RAPGEF6: variants seen among roughly 807,000 people sequenced by gnomAD.
The protein encoded by RAPGEF6 is PDZ domain containing guanine nucleotide exchange factor (GEF) 2.
Under a neutral mutation model 171.4 loss-of-function variants are expected in RAPGEF6, and 56 were observed. The ratio of observed to expected loss-of-function variants is 0.33; its 90% confidence interval spans 0.26 to 0.41. RAPGEF6 has a LOEUF of 0.41. Ranked by LOEUF, RAPGEF6 falls within the 10% of genes least tolerant of loss-of-function variation. RAPGEF6 has a pLI of 1.00. For synonymous variants in RAPGEF6, 692 were observed against 650.1 expected (o/e 1.06, Z -0.98); for missense variants, 1,674 against 1,921.4 (o/e 0.87, Z 2.41).
intron 4 of RAPGEF6, among the ~76,000 whole-genome samples, chr5:131,587,805 C>G (rs1335304182): frequency 1.3e-5 from 2 of 152,244 alleles, no homozygotes; most frequent in Admixed American, 1.3e-4. Context: ...AAATGTTACT[C>G]TCCTTTCTCC....
chr5:131,613,301 T>C (rs1408517588), intron 1 of RAPGEF6, among the ~76,000 whole-genome samples: 1 of 152,124 alleles, frequency 6.6e-6, no homozygotes, highest in Non-Finnish European at 1.5e-5. Flanking sequence ...TCCCAGCTTC[T>C]TGGGAGGCTG....
In RAPGEF6 at chr5:131,508,220, A is replaced by G. The variant is rs755345114; in HGVS notation, c.806-13T>C. 3 of 1,599,742 alleles carry G rather than the reference A, an allele frequency of 1.9e-6. No homozygotes were observed. The highest frequency in any genetic ancestry group is 2.6e-6 in the Non-Finnish European group (3 of 1,174,294). ...TCCAGCAATTGTTCTATAAGAAAACAGAAATTCTGGTATAAAGACCATCGA... is the reference window on the plus strand; with the variant it reads ...TCCAGCAATTGTTCTATAAGAAAACGGAAATTCTGGTATAAAGACCATCGA... On this transcript the variant is annotated splice_polypyrimidine_tract_variant and intron_variant, in intron 8 of 27. Transcript: ENST00000509018.
At chr5:131,476,225 C>T (rs1247011303) in intron 16 of RAPGEF6, among the ~76,000 whole-genome samples, 1 of 152,084 alleles carries the variant, frequency 6.6e-6, no homozygotes, top group Non-Finnish European at 1.5e-5. Context: ...CTTGGAGCAT[C>T]TATATATAAA....
chr5:131,510,395 G>A lies in RAPGEF6; in HGVS notation c.724C>T (p.Arg242Ter). ...TCTCGCCCCTGCAATGGATCTGTTC[G>A]ATCAATCTCTTCATCTTCCTCTTCG... ...DDEEEDEEIDRTDPLQGRDLV... is the reference protein window; with the variant it reads ...DDEEEDEEID Residue 242 changes from arginine to a stop codon, truncating the protein, a stop_gained, in exon 8 of 28, where the codon CGA becomes TGA. Transcript: ENST00000509018. LOFTEE classifies it high-confidence loss of function. 2.5e-6 allele frequency: 4 copies of A among 1,614,046 alleles called. No individual in the cohort carries two copies. The highest frequency in any genetic ancestry group is 3.4e-6 in the Non-Finnish European group (4 of 1,180,002).
chr5:131,493,133 C>T (rs945736697), intron 13 of RAPGEF6, among the ~76,000 whole-genome samples: 15 of 152,188 alleles, frequency 9.9e-5, no homozygotes, highest in African/African-American at 3.6e-4. Flanking sequence ...GGCGCGATCT[C>T]GACTCACTGC....
At position 131,634,973 on chromosome 5, in the gene RAPGEF6, G is replaced by C; in HGVS notation, c.58C>G (p.Arg20Gly). 6.2e-7 allele frequency: 1 copy of C among 1,614,010 alleles called. No individual in the cohort carries two copies. The highest frequency in any genetic ancestry group is 8.5e-7 in the Non-Finnish European group (1 of 1,179,890). The change falls in exon 1 of 28, where the codon CGG becomes GGG. Residue 20 changes from arginine to glycine, a missense_variant. Around this residue, in one of 3 missense-constraint regions of RAPGEF6, gnomAD observed 1,116 missense variants for 1,321.5 expected, o/e 0.84. Transcript: ENST00000509018. ...RQALRKKPPE[R>G]TPEDLNTIYS... ...TCAACCAGCCTCACCTCGGGAGTCCGCTCGGGTGGCTTCTTCCTCAACGCC... is the reference window on the plus strand; with the variant it reads ...TCAACCAGCCTCACCTCGGGAGTCCCCTCGGGTGGCTTCTTCCTCAACGCC...
intron 14 of RAPGEF6, among the ~76,000 whole-genome samples, chr5:131,491,886 T>A (rs1756305743): frequency 6.6e-6 from 1 of 152,178 alleles, no homozygotes. Context: ...TAGAGAGCTT[T>A]GTTAAAAATA....
intron 16 of RAPGEF6, among the ~76,000 whole-genome samples, chr5:131,473,887 G>A (rs1754920294): frequency 6.6e-6 from 1 of 152,164 alleles, no homozygotes; most frequent in African/African-American, 2.4e-5. Context: ...AGAAGGCCAG[G>A]ATATGACAGA....
chr5:131,597,691 C>T (rs539317086), intron 3 of RAPGEF6, among the ~76,000 whole-genome samples: 12 of 152,096 alleles, frequency 7.9e-5, no homozygotes, highest in Non-Finnish European at 1.6e-4. Flanking sequence ...CTGTGGTTAC[C>T]AGAGACTGGA....
At chr5:131,559,586 G>T (rs921535067) in intron 5 of RAPGEF6, among the ~76,000 whole-genome samples, 5 of 152,140 alleles carry the variant, frequency 3.3e-5, no homozygotes, top group African/African-American at 1.2e-4. Context: ...CACTTGGGAG[G>T]TTGAGGTGGG....
At chr5:131,435,645 C>T (rs2149808557) in intron 24 of RAPGEF6, 1 of 266,402 alleles carries the variant, frequency 3.8e-6, no homozygotes, top group Non-Finnish European at 7.0e-6. Context: ...CTATGTTAGA[C>T]TAGTCCCTTC....
At chr5:131,436,309 A>C (rs1243678265) in intron 24 of RAPGEF6, 14 of 1,537,352 alleles carry the variant, frequency 9.1e-6, no homozygotes, top group Non-Finnish European at 1.2e-5. Flanking sequence ...TTTCTTTTGC[A>C]AGTAAGCCCC....
chr5:131,443,069 C>T (rs147438683), intron 22 of RAPGEF6, among the ~76,000 whole-genome samples: 3 of 151,846 alleles, frequency 2.0e-5, no homozygotes, highest in African/African-American at 4.8e-5. Context: ...CTCAGCCTCC[C>T]GAGTAGCTGG....
intron 4 of RAPGEF6, among the ~76,000 whole-genome samples, chr5:131,571,888 G>A (rs1397685154): frequency 2.0e-5 from 3 of 152,050 alleles, no homozygotes; most frequent in Non-Finnish European, 2.9e-5. Context: ...GTACCCTTGT[G>A]AATGTACTTT....
intron 7 of RAPGEF6, among the ~76,000 whole-genome samples, chr5:131,514,769 C>T (rs1013007996): frequency 2.0e-5 from 3 of 152,056 alleles, no homozygotes; most frequent in Non-Finnish European, 2.9e-5. Flanking sequence ...TATCATAATA[C>T]CACGAGTGGA....
intron 5 of RAPGEF6, among the ~76,000 whole-genome samples, chr5:131,561,691 A>G (rs907381220): frequency 5.9e-5 from 9 of 151,764 alleles, no homozygotes; most frequent in African/African-American, 2.2e-4. Context: ...AAATCACTTG[A>G]AAACTCATGG....
intron 1 of RAPGEF6, among the ~76,000 whole-genome samples, chr5:131,612,180 G>A (rs1328933121): frequency 2.0e-5 from 3 of 148,308 alleles, no homozygotes; most frequent in South Asian, 4.2e-4. Flanking sequence ...GACTACAGGC[G>A]TGCACCACCA....
Position 131,566,428 on chromosome 5 carries a change from C to T in RAPGEF6, c.282-4381G>A, listed in dbSNP as rs554237927. Among the ~76,000 whole-genome samples the T allele has an allele frequency of 7.2e-5, 11 of 152,234 alleles. No homozygotes were observed. In the South Asian group the frequency reaches 2.1e-3, roughly 29 times the overall value. On this transcript the variant is annotated intron_variant, in intron 4 of 27. Transcript: ENST00000509018. ...ACCAACCTTCCATTCCTGGGATAAT[C>T]CCAACTTGATCATGGTATAAAATAC...
chr5:131,582,871 A>T (rs1291793619), intron 4 of RAPGEF6, among the ~76,000 whole-genome samples: 1 of 152,222 alleles, frequency 6.6e-6, no homozygotes, highest in African/African-American at 2.4e-5. Flanking sequence ...TTTGGAGAAG[A>T]GTAAGGCACT....
Sources: gnomAD v4.1 joint callset for allele counts (sites outside exome capture counted in the v4.1 genomes callset) on GRCh38, gnomAD v4.1.1 for gene constraint, gnomAD v4.1.1 regional missense constraint, MANE v1.5 for transcripts, NCBI Gene and HGNC (gene_info 2026-07-23, HGNC 2026-07-21) for gene names.